Variants in DLGAP2 observed in about 807,000 individuals in gnomAD.
DLGAP2 encodes disks large-associated protein 2.
Under a neutral mutation model 100.3 loss-of-function variants are expected in DLGAP2, and 26 were observed. That is an observed-to-expected ratio of 0.26 (90% CI 0.19 to 0.36). DLGAP2 has a LOEUF of 0.36. DLGAP2 is among the 10% of genes least tolerant of loss of function. DLGAP2 has a pLI of 1.00. For missense variants in DLGAP2, 1,858 were observed against 1,453.2 expected (o/e 1.28, Z -4.53); for synonymous variants, 886 against 630.1 (o/e 1.41, Z -6.08).
intron 3 of DLGAP2, among the ~76,000 whole-genome samples, chr8:1,287,237 G>T (rs563607203): frequency 1.4e-5 from 2 of 139,342 alleles, no homozygotes; most frequent in Admixed American, 1.5e-4. Flanking sequence ...ATGTGGTTTT[G>T]TTAGGAGGGG....
intron 3 of DLGAP2, among the ~76,000 whole-genome samples, chr8:1,290,895 G>A (rs1213477697): frequency 6.6e-6 from 1 of 152,120 alleles, no homozygotes; most frequent in African/African-American, 2.4e-5. Context: ...ATTTACTACT[G>A]AACTATTTTT....
At chr8:1,558,264 G>C (rs1469727675) in intron 5 of DLGAP2, among the ~76,000 whole-genome samples, 1 of 152,340 alleles carries the variant, frequency 6.6e-6, no homozygotes, top group East Asian at 1.9e-4. Context: ...CGTGTGCCCA[G>C]TCGCAGGCGG....
intron 3 of DLGAP2, among the ~76,000 whole-genome samples, chr8:1,417,664 A>ACTAGGCGAGG (rs1796951134): frequency 1.1e-5 from 1 of 94,394 alleles, no homozygotes; most frequent in South Asian, 2.9e-4. Context: ...CTCCTGCCTC[A>ACTAGGCGAGG]CTCCGCGAGG....
chr8:869,331 G>A (rs542826454), intron 1 of DLGAP2, among the ~76,000 whole-genome samples: 2 of 152,236 alleles, frequency 1.3e-5, no homozygotes, highest in South Asian at 2.1e-4. Context: ...ACTTGTTTCC[G>A]TTACAAGAGT....
intron 3 of DLGAP2, among the ~76,000 whole-genome samples, chr8:1,382,423 C>T (rs10087579): frequency 2.0e-5 from 3 of 151,960 alleles, no homozygotes; most frequent in Non-Finnish European, 4.4e-5. Context: ...GGCAAGTGTG[C>T]GTGAATATAT....
chr8:1,091,334 A>G (rs1340081614), intron 2 of DLGAP2, among the ~76,000 whole-genome samples: 5 of 152,250 alleles, frequency 3.3e-5, no homozygotes, highest in African/African-American at 1.2e-4. Context: ...AATGTTCAGA[A>G]GCGTCTGCTG....
At chr8:1,349,014 C>T (rs114637938) in intron 3 of DLGAP2, among the ~76,000 whole-genome samples, 1,863 of 151,930 alleles carry the variant, frequency 0.012, 45 homozygotes, top group African/African-American at 0.043. Flanking sequence ...CTTTCTGGAA[C>T]TCATGGTGAG....
intron 1 of DLGAP2, among the ~76,000 whole-genome samples, chr8:765,431 C>A (rs1203460929): frequency 6.6e-6 from 1 of 152,020 alleles, no homozygotes; most frequent in East Asian, 1.9e-4. Context: ...GTGTTAGTGC[C>A]ATATGTTGGT....
intron 6 of DLGAP2, among the ~76,000 whole-genome samples, chr8:1,622,907 C>T (rs1797383516): frequency 6.6e-6 from 1 of 152,200 alleles, no homozygotes; most frequent in East Asian, 1.9e-4. Flanking sequence ...GTGGAGTGAG[C>T]CGTGCTGGGG....
At chr8:881,666 A>ATGTGTATATATATATATATATATATAT in intron 1 of DLGAP2, among the ~76,000 whole-genome samples, 3 of 131,046 alleles carry the variant, frequency 2.3e-5, no homozygotes, top group African/African-American at 5.4e-5. Flanking sequence ...CTTGTGGCTG[A>ATGTGTATATATATATATATATATATAT]ACACACACAC....
chr8:1,606,913 A>G (rs1017854497), intron 6 of DLGAP2, among the ~76,000 whole-genome samples: 1 of 152,158 alleles, frequency 6.6e-6, no homozygotes, highest in Admixed American at 6.5e-5. Flanking sequence ...TCAAACTCCT[A>G]AGCTCGAGAG....
intron 4 of DLGAP2, 89 bp from the exon 5 acceptor site, chr8:1,548,537 G>T (rs1801629725): frequency 3.0e-6 from 3 of 1,015,312 alleles, no homozygotes; most frequent in South Asian, 3.6e-5. Context: ...ACTGATTAAT[G>T]AAGTCCACGG....
At chr8:1,448,242 C>G (rs146513796) in intron 3 of DLGAP2, among the ~76,000 whole-genome samples, 42 of 152,222 alleles carry the variant, frequency 2.8e-4, no homozygotes, top group African/African-American at 9.4e-4. Context: ...AAATTTCCCT[C>G]TACACACTGC....
intron 3 of DLGAP2, among the ~76,000 whole-genome samples, chr8:1,274,484 A>G (rs183947562): frequency 5.1e-4 from 76 of 147,968 alleles, no homozygotes; most frequent in South Asian, 3.7e-3. Flanking sequence ...AACATAAACC[A>G]TAAAATGAGT....
intron 1 of DLGAP2, among the ~76,000 whole-genome samples, chr8:759,173 G>GTTATCAATACCCCCCACAACCTTCCCA (rs1563415652): frequency 7.1e-5 from 1 of 14,030 alleles, no homozygotes; most frequent in African/African-American, 2.4e-4. Flanking sequence ...CAGCCTTCCC[G>GTTATCAATACCCCCCACAACCTTCCCA]TTATCAATAC....
intron 6 of DLGAP2, among the ~76,000 whole-genome samples, chr8:1,608,445 C>T (rs1281603143): frequency 2.1e-5 from 1 of 47,440 alleles, no homozygotes; most frequent in South Asian, 9.6e-4. Flanking sequence ...GGGGAAAAAA[C>T]AGAACAGAAA....
chr8:1,613,437 A>G (rs559994408), intron 6 of DLGAP2, among the ~76,000 whole-genome samples: 1 of 152,066 alleles, frequency 6.6e-6, no homozygotes, highest in African/African-American at 2.4e-5. Context: ...GATATACCTA[A>G]GGCTAGATGA....
At chr8:876,829 C>G (rs978420731) in intron 1 of DLGAP2, among the ~76,000 whole-genome samples, 2 of 152,106 alleles carry the variant, frequency 1.3e-5, no homozygotes, top group African/African-American at 2.4e-5. Flanking sequence ...TGTCTTCTTT[C>G]CTGTCTCTGC....
chr8:1,290,103 C>T (rs765152288), intron 3 of DLGAP2, among the ~76,000 whole-genome samples: 1 of 152,124 alleles, frequency 6.6e-6, no homozygotes, highest in Non-Finnish European at 1.5e-5. Flanking sequence ...CCTACCTGGG[C>T]TGCAGGTGCT....
Sources: allele counts gnomAD v4.1 joint callset (sites outside exome capture counted in the v4.1 genomes callset), GRCh38; gene constraint gnomAD v4.1.1; transcripts MANE v1.5; gene names NCBI Gene and HGNC (gene_info 2026-07-23, HGNC 2026-07-21).